The following PROCR variants were observed in gnomAD, a reference collection of about 807,000 sequenced individuals.
PROCR encodes the protein protein C receptor, also known as endothelial protein C receptor.
PROCR carries 22 observed loss-of-function variants against 24.2 expected under a neutral mutation model. The observed-to-expected ratio is 0.91, with a 90% confidence interval of 0.65 to 1.30. The LOEUF is 1.30. PROCR is among the 50% of genes most tolerant of loss of function. PROCR has a pLI of 0.00. For synonymous variants in PROCR, 137 were observed against 139.2 expected (o/e 0.98, Z 0.11); for missense variants, 288 against 307.7 (o/e 0.94, Z 0.48).
At chr20:35,211,728 G>A (rs1228187239) in intron 1 of PROCR, among the ~76,000 whole-genome samples, 1 of 152,144 alleles carries the variant, frequency 6.6e-6, no homozygotes, top group Non-Finnish European at 1.5e-5. Context: ...AAAACACTGT[G>A]ATCGGCTGGG....
At chr20:35,194,746 C>A (rs564102231) in intron 1 of PROCR, among the ~76,000 whole-genome samples, 1 of 151,110 alleles carries the variant, frequency 6.6e-6, no homozygotes, top group East Asian at 1.9e-4. Flanking sequence ...TAGATTCAAA[C>A]AGCCTAGCAA....
chr20:35,177,983 AT>A (rs1300515374), downstream of PROCR, among the ~76,000 whole-genome samples: 1 of 151,964 alleles, frequency 6.6e-6, no homozygotes, highest in Non-Finnish European at 1.5e-5. Context: ...TTAGAATTCC[AT>A]TTTTTGGTTC....
In PROCR at chr20:35,174,835, T is replaced by C; in HGVS notation, c.204T>C (p.Ile68=). ...GCCCAGACACCAACACCACGATCAT[T>C]CAGCTGCAGCCCTTGCAGGAGCCCG... ...LEGPDTNTTI[I]QLQPLQEPES... Residue 68 remains isoleucine (I), a synonymous_variant, in exon 2 of 4, where the codon ATT becomes ATC. Transcript: ENST00000216968. 1 of 1,613,892 alleles carries C rather than the reference T, an allele frequency of 6.2e-7. No homozygotes were observed. The highest frequency in any genetic ancestry group is 8.5e-7 in the Non-Finnish European group (1 of 1,179,930).
At chr20:35,195,323 C>T (rs981291820) in intron 1 of PROCR, 1 of 152,038 alleles carries the variant, frequency 6.6e-6, no homozygotes, top group African/African-American at 2.4e-5. Flanking sequence ...GATATACCAT[C>T]CTGAATGCAC....
downstream of PROCR, among the ~76,000 whole-genome samples, chr20:35,178,908 T>C (rs1316574493): frequency 6.7e-6 from 1 of 149,822 alleles, no homozygotes; most frequent in Admixed American, 6.7e-5. Context: ...GCATGAAGAG[T>C]ATTAAATAAA....
chr20:35,201,548 C>T (rs2060318210), intron 1 of PROCR, among the ~76,000 whole-genome samples: 1 of 151,958 alleles, frequency 6.6e-6, no homozygotes, highest in South Asian at 2.1e-4. Flanking sequence ...ATTAGCCGGG[C>T]AAGGTGGTGC....
intron 1 of PROCR, among the ~76,000 whole-genome samples, chr20:35,173,950 G>C (rs1168608388): frequency 6.6e-6 from 1 of 152,180 alleles, no homozygotes; most frequent in Non-Finnish European, 1.5e-5. Context: ...CTGTGGGGAG[G>C]CAGTGTAGCA....
At position 35,198,282 on chromosome 20, in the gene PROCR, A is replaced by G. The variant is rs1224767726; in HGVS notation, c.95-17611A>G. On this transcript the variant is annotated intron_variant, in intron 1 of 1. Coordinates refer to the PROCR transcript ENST00000634509. The stretch of plus-strand genomic sequence containing the variant: ...ACTCCAGCCTGGGTGACAGAGTGAG[A>G]CTCTGTCTCAAAAAAAAAAATTAAA... Among the ~76,000 whole-genome samples the G allele has an allele frequency of 3.6e-5, 5 of 138,780 alleles. No individual in the cohort carries two copies. In the Admixed American group the frequency reaches 3.9e-4, roughly 11 times the overall value. 91.0% of individuals were successfully genotyped at this position (138,780 alleles called of 152,430 possible). A position where few individuals can be genotyped will look rare whatever the true frequency, so the allele number is the denominator to read the frequency against.
upstream of PROCR, among the ~76,000 whole-genome samples, chr20:35,171,799 C>G (rs1486955851): frequency 6.6e-6 from 1 of 152,074 alleles, no homozygotes; most frequent in African/African-American, 2.4e-5. Flanking sequence ...CCCCCTGAGT[C>G]AGCGCCGGCA....
chr20:35,198,890 A>C (rs1330019999), intron 1 of PROCR, among the ~76,000 whole-genome samples: 1 of 151,826 alleles, frequency 6.6e-6, no homozygotes, highest in Non-Finnish European at 1.5e-5. Flanking sequence ...AATTTTTTGT[A>C]TTTTTAGTAG....
chr20:35,175,471 C>G (rs895106653), intron 2 of PROCR, among the ~76,000 whole-genome samples: 3 of 151,416 alleles, frequency 2.0e-5, no homozygotes, highest in Non-Finnish European at 4.4e-5. Flanking sequence ...TCCTTCTTCT[C>G]AAAGACCCCA....
At chr20:35,174,187 G>A (rs1040822808) in intron 1 of PROCR, among the ~76,000 whole-genome samples, 3 of 152,154 alleles carry the variant, frequency 2.0e-5, no homozygotes, top group African/African-American at 2.4e-5. Flanking sequence ...AGGGGAGGGG[G>A]TTATGGCACT....
intron 1 of PROCR, among the ~76,000 whole-genome samples, chr20:35,197,008 G>A (rs2086221709): frequency 6.6e-6 from 1 of 152,154 alleles, no homozygotes; most frequent in Non-Finnish European, 1.5e-5. Context: ...TGTAGATATT[G>A]TGATTTTACA....
At chr20:35,174,560 G>T in intron 1 of PROCR, 142 bp from the exon 2 acceptor site, 1 of 1,013,038 alleles carries the variant, frequency 9.9e-7, no homozygotes, top group Non-Finnish European at 1.5e-6. Context: ...AGCGTCAAAC[G>T]GGAGAAGCGG....
At chr20:35,205,862 T>C (rs2060339846) in intron 1 of PROCR, among the ~76,000 whole-genome samples, 1 of 144,278 alleles carries the variant, frequency 6.9e-6, no homozygotes, top group Admixed American at 7.0e-5. Context: ...TACATATACA[T>C]ATGTATACAT....
At chr20:35,197,945 T>G (rs1381980329) in intron 1 of PROCR, among the ~76,000 whole-genome samples, 1 of 151,992 alleles carries the variant, frequency 6.6e-6, no homozygotes, top group Non-Finnish European at 1.5e-5. Context: ...CTAGGCCTCT[T>G]ACACCAAATG....
intron 1 of PROCR, among the ~76,000 whole-genome samples, chr20:35,215,468 G>A (rs78042772): frequency 5.1e-4 from 76 of 150,170 alleles, no homozygotes; most frequent in Middle Eastern, 3.6e-3. Flanking sequence ...GTGGTTATTT[G>A]TCACGCCTTT....
At chr20:35,213,766 G>GTA (rs1412020446) in intron 1 of PROCR, among the ~76,000 whole-genome samples, 1 of 151,704 alleles carries the variant, frequency 6.6e-6, no homozygotes, top group Non-Finnish European at 1.5e-5. Flanking sequence ...ATACAAAAAG[G>GTA]TATACAGTGA....
At chr20:35,185,103 A>G (rs2086112977) in intron 1 of PROCR, among the ~76,000 whole-genome samples, 1 of 152,214 alleles carries the variant, frequency 6.6e-6, no homozygotes, top group Non-Finnish European at 1.5e-5. Context: ...TCTCAAAAGA[A>G]GATATACAAA....
Sources: allele counts gnomAD v4.1 joint callset (sites outside exome capture counted in the v4.1 genomes callset), GRCh38; gene constraint gnomAD v4.1.1; transcripts MANE v1.5; gene names NCBI Gene and HGNC (gene_info 2026-07-23, HGNC 2026-07-21).